VPS35L: variants seen among roughly 807,000 people sequenced by gnomAD.
The protein encoded by VPS35L is VPS35 endosomal protein sorting factor like.
A neutral mutation model predicts 133.0 loss-of-function variants in VPS35L; 83 were observed. The observed-to-expected ratio is 0.62, with a 90% confidence interval of 0.52 to 0.75. The LOEUF is 0.75. Ranked by LOEUF, VPS35L falls within the 30% of genes least tolerant of loss-of-function variation. VPS35L has a pLI of 0.00. For synonymous variants in VPS35L, 423 were observed against 449.9 expected (o/e 0.94, Z 0.76); for missense variants, 1,083 against 1,206.8 (o/e 0.90, Z 1.52).
chr16:19,689,840 G>A (rs1328738407), intron 28 of VPS35L, among the ~76,000 whole-genome samples: 1 of 152,164 alleles, frequency 6.6e-6, no homozygotes, highest in Non-Finnish European at 1.5e-5. Flanking sequence ...CACCCACTGA[G>A]GGTCTTGGAA....
At chr16:19,560,893 T>TG (rs765795805) in intron 1 of VPS35L, among the ~76,000 whole-genome samples, 3 of 147,646 alleles carry the variant, frequency 2.0e-5, no homozygotes, top group Admixed American at 6.8e-5. Flanking sequence ...ATCCTTTGTG[T>TG]TTTTTTTTTT....
In VPS35L at chr16:19,699,187, G is replaced by A. The variant is rs1284354522; in HGVS notation, c.2647-315G>A. On this transcript the variant is annotated intron_variant, in intron 29 of 30. Transcript: ENST00000417362. This position sits in a 1 kb window ranked among gnomAD's most constrained non-coding sequence, Gnocchi z 4.2. ...TTGCATTAAAGCAAGGCTTGTCCCT[G>A]CTGGGGTACCCTTCATTCCTCGACC... Among the ~76,000 whole-genome samples the A allele has an allele frequency of 6.6e-6, 1 of 152,186 alleles. No individual in the cohort carries two copies. The highest frequency in any genetic ancestry group is 1.5e-5 in the Non-Finnish European group (1 of 68,032).
chr16:19,640,514 C>G (rs1973754880), intron 21 of VPS35L, among the ~76,000 whole-genome samples: 1 of 152,162 alleles, frequency 6.6e-6, no homozygotes, highest in Non-Finnish European at 1.5e-5. Context: ...GGATACAAAT[C>G]AGGACATACA....
chr16:19,656,446 G>A (rs530875175), intron 26 of VPS35L, among the ~76,000 whole-genome samples: 68 of 151,696 alleles, frequency 4.5e-4, no homozygotes, highest in African/African-American at 1.5e-3. Context: ...GGAATTACAT[G>A]ATGTATTTGG....
chr16:19,671,861 C>G (rs561159361), intron 27 of VPS35L, among the ~76,000 whole-genome samples: 1 of 152,182 alleles, frequency 6.6e-6, no homozygotes, highest in Non-Finnish European at 1.5e-5. Flanking sequence ...GATTAAGCAC[C>G]GCTGGTAGAG....
intron 25 of VPS35L, among the ~76,000 whole-genome samples, chr16:19,651,129 G>A (rs951284773): frequency 5.3e-5 from 8 of 152,230 alleles, no homozygotes; most frequent in African/African-American, 1.9e-4. Flanking sequence ...TGATCTGCCC[G>A]CCTCGGCCTC....
chr16:19,688,711 C>T (rs1478570465), intron 28 of VPS35L, among the ~76,000 whole-genome samples: 1 of 152,236 alleles, frequency 6.6e-6, no homozygotes, highest in Non-Finnish European at 1.5e-5. Flanking sequence ...TGCTTGTTCA[C>T]AGCCGGTTAT....
intron 23 of VPS35L, among the ~76,000 whole-genome samples, chr16:19,645,860 G>C (rs903680882): frequency 6.6e-6 from 1 of 152,368 alleles, no homozygotes; most frequent in South Asian, 2.1e-4. Flanking sequence ...ACTATGCCGG[G>C]CAGGCAAAAC....
intron 8 of VPS35L, among the ~76,000 whole-genome samples, chr16:19,600,678 TAGTTGA>T (rs1433635247): frequency 6.6e-6 from 1 of 152,208 alleles, no homozygotes. Flanking sequence ...GCTTGCATTC[TAGTTGA>T]ATCTCAAATT....
intron 22 of VPS35L, 60 bp downstream of exon 22, chr16:19,642,536 A>G: frequency 7.4e-7 from 1 of 1,349,552 alleles, no homozygotes; most frequent in Non-Finnish European, 1.0e-6. Flanking sequence ...ACCTAATAGG[A>G]CATTAGGGAA....
chr16:19,693,966 A>G (rs1465915584), intron 29 of VPS35L: 2 of 151,892 alleles, frequency 1.3e-5, no homozygotes, highest in African/African-American at 4.8e-5. Context: ...AAAGAAAAAA[A>G]AAAAAAAAAA....
chr16:19,591,990 A>C, intron 8 of VPS35L, 116 bp downstream of exon 8: 1 of 778,340 alleles, frequency 1.3e-6, no homozygotes. Flanking sequence ...TAAGTAAGTC[A>C]TGGGAGAGAT....
At chr16:19,608,329 G>C (rs1383771326) in intron 10 of VPS35L, 55 bp downstream of exon 10, 3 of 1,300,484 alleles carry the variant, frequency 2.3e-6, no homozygotes, top group Non-Finnish European at 3.3e-6. Flanking sequence ...TAAAAGAATT[G>C]TACTGTTAAT....
At chr16:19,623,345 C>T (rs1244047928) in intron 14 of VPS35L, among the ~76,000 whole-genome samples, 2 of 152,162 alleles carry the variant, frequency 1.3e-5, no homozygotes, top group East Asian at 3.9e-4. Context: ...CACCTTCTTG[C>T]CGTGTTCTCA....
chr16:19,623,550 A>G (rs1597370954), intron 14 of VPS35L, among the ~76,000 whole-genome samples: 1 of 152,192 alleles, frequency 6.6e-6, no homozygotes, highest in East Asian at 1.9e-4. Flanking sequence ...TATGTGAGGC[A>G]TAGATGGAAA....
At chr16:19,632,951 G>C (rs1567441124) in intron 18 of VPS35L, 141 bp from the exon 19 acceptor site, 2 of 692,686 alleles carry the variant, frequency 2.9e-6, no homozygotes, top group East Asian at 5.0e-5. Context: ...CCTCCCTTCC[G>C]TTATTTTCAG....
intron 29 of VPS35L, among the ~76,000 whole-genome samples, chr16:19,692,640 T>C (rs376221568): frequency 2.6e-5 from 4 of 152,114 alleles, no homozygotes; most frequent in Admixed American, 6.6e-5. Context: ...CTTAGCTCAC[T>C]GCAACCTCCA....
intron 9 of VPS35L, among the ~76,000 whole-genome samples, chr16:19,602,561 C>T (rs892792263): frequency 2.6e-5 from 4 of 151,930 alleles, no homozygotes; most frequent in Non-Finnish European, 2.9e-5. Context: ...CTCCTTTTCT[C>T]TCTCCTTCTG....
intron 26 of VPS35L, among the ~76,000 whole-genome samples, chr16:19,668,604 G>GTA (rs1974772279): frequency 6.6e-6 from 1 of 151,938 alleles, no homozygotes; most frequent in Non-Finnish European, 1.5e-5. Context: ...GTGTGTGTGT[G>GTA]TGTGTGTGTG....
Sources: gnomAD v4.1 joint callset for allele counts (sites outside exome capture counted in the v4.1 genomes callset) on GRCh38, gnomAD v4.1.1 for gene constraint, Gnocchi (gnomAD v3.1) non-coding constraint, MANE v1.5 for transcripts, NCBI Gene and HGNC (gene_info 2026-07-23, HGNC 2026-07-21) for gene names.